UBAP2: variants seen among roughly 807,000 people sequenced by gnomAD.
UBAP2 encodes ubiquitin associated protein 2.
In UBAP2, 75 loss-of-function variants were observed where a neutral mutation model predicts 139.6. The ratio of observed to expected loss-of-function variants is 0.54; its 90% CI spans 0.45 to 0.65. The LOEUF is 0.65. Ranked by LOEUF, UBAP2 falls within the 30% of genes least tolerant of loss-of-function variation. UBAP2 has a pLI of 0.00. For synonymous variants in UBAP2, 526 were observed against 526.2 expected (o/e 1.00, Z 0.01); for missense variants, 1,368 against 1,369.6 (o/e 1.00, Z 0.02).
At chr9:34,044,935 G>A (rs954695652) in intron 1 of UBAP2, among the ~76,000 whole-genome samples, 2 of 152,138 alleles carry the variant, frequency 1.3e-5, no homozygotes, top group East Asian at 1.9e-4. Flanking sequence ...ACTCCTTAAT[G>A]TGAGCCCTAT....
chr9:34,008,636 A>ACAC (rs748960251), intron 2 of UBAP2, among the ~76,000 whole-genome samples: 10 of 1,178 alleles, frequency 8.5e-3, no homozygotes, highest in Non-Finnish European at 0.031. Flanking sequence ...CGTAAGATAT[A>ACAC]TACTAACACT....
chr9:34,016,287 G>GGAA lies in UBAP2; in HGVS notation c.99+762_99+763insTTC, dbSNP rs1554690810. On this transcript the variant is annotated intron_variant, in intron 2 of 28. Coordinates refer to ENST00000379238, the MANE Select transcript of UBAP2 (RefSeq NM_001370062.2). ...AGGAGGAAGAGAAGGAGGAAGAGGAGGAGGAGGAAGAGGAGGAAGAGGAGG... is the reference window on the plus strand; with the variant it reads ...AGGAGGAAGAGAAGGAGGAAGAGGAGGAAGAGGAGGAAGAGGAGGAAGAGGAGG... Among the ~76,000 whole-genome samples the GGAA allele has an allele frequency of 2.6e-3, 39 of 14,770 alleles. 1 individual carries two copies. Among genetic ancestry groups the GGAA allele is most frequent in the Non-Finnish European group, 5.8e-3 (29 of 5,016 alleles). 9.7% of individuals were successfully genotyped at this position (14,770 alleles called of 152,430 possible). A position where few individuals can be genotyped will look rare whatever the true frequency, so the allele number is the denominator to read the frequency against.
At chr9:33,987,712 G>A (rs1485071792) in intron 5 of UBAP2, among the ~76,000 whole-genome samples, 2 of 152,100 alleles carry the variant, frequency 1.3e-5, no homozygotes, top group East Asian at 3.8e-4. Flanking sequence ...CTTCTTTGTG[G>A]ACTTGCTGTG....
Position 33,933,519 on chromosome 9 carries a change from C to T in UBAP2, c.2079G>A (p.Leu693=), listed in dbSNP as rs773651012. The T allele has an allele frequency of 1.9e-6, 3 of 1,613,914 alleles. No individual in the cohort carries two copies. The highest frequency in any genetic ancestry group is 2.5e-6 in the Non-Finnish European group (3 of 1,180,012). ...LPSTSQHTGD[L]TSSPLSQLSS... ...TAAGCTGAGAGAGAGGGCTGCTAGT[C>T]AGGTCGCCAGTGTGCTGGGATGTGG... Residue 693 remains leucine, a synonymous_variant, in exon 18 of 29, where the codon CTG becomes CTA. Coordinates refer to ENST00000379238, the MANE Select transcript of UBAP2 (RefSeq NM_001370062.2).
At chr9:33,946,447 A>G (rs1159486356) in intron 13 of UBAP2, among the ~76,000 whole-genome samples, 1 of 152,194 alleles carries the variant, frequency 6.6e-6, no homozygotes, top group African/African-American at 2.4e-5. Context: ...TAGAGATCCA[A>G]CTTCATTTTT....
At chr9:34,019,952 G>A (rs1367906377) in intron 1 of UBAP2, among the ~76,000 whole-genome samples, 1 of 151,716 alleles carries the variant, frequency 6.6e-6, no homozygotes, top group African/African-American at 2.4e-5. Context: ...ACGAGGTCAG[G>A]AGTTCGAGAC....
intron 1 of UBAP2, among the ~76,000 whole-genome samples, chr9:34,035,470 C>G (rs564596450): frequency 6.6e-4 from 65 of 98,518 alleles, no homozygotes; most frequent in South Asian, 5.3e-3. Flanking sequence ...CCACTGCACT[C>G]CAGTCTGGGT....
intron 16 of UBAP2, among the ~76,000 whole-genome samples, chr9:33,936,420 A>T (rs1824520569): frequency 6.6e-6 from 1 of 151,934 alleles, no homozygotes; most frequent in Admixed American, 6.6e-5. Flanking sequence ...CAGCCTCCCA[A>T]GTAGCTGGGA....
chr9:34,011,087 G>A (rs542931612), intron 2 of UBAP2, among the ~76,000 whole-genome samples: 3 of 152,114 alleles, frequency 2.0e-5, no homozygotes, highest in African/African-American at 7.2e-5. Context: ...ACACCGACCC[G>A]ATTAAAATAT....
intron 6 of UBAP2, among the ~76,000 whole-genome samples, chr9:33,980,226 T>TTC (rs1820529958): frequency 1.4e-5 from 1 of 71,638 alleles, no homozygotes; most frequent in Admixed American, 1.4e-4. Flanking sequence ...ATTTCTTTTT[T>TTC]TTTTTTTTTT....
intron 1 of UBAP2, among the ~76,000 whole-genome samples, chr9:34,035,627 G>A (rs1274676135): frequency 6.7e-6 from 1 of 149,040 alleles, no homozygotes; most frequent in Non-Finnish European, 1.5e-5. Context: ...AGAAGTTGCA[G>A]TGAGTCGAGA....
chr9:33,985,703 G>A (rs1479243018), intron 6 of UBAP2, among the ~76,000 whole-genome samples: 1 of 152,112 alleles, frequency 6.6e-6, no homozygotes, highest in East Asian at 1.9e-4. Flanking sequence ...AGAGATTGGT[G>A]GATAGGTTAA....
chr9:33,964,957 A>G (rs759190945), intron 8 of UBAP2, among the ~76,000 whole-genome samples: 2 of 152,196 alleles, frequency 1.3e-5, no homozygotes, highest in South Asian at 4.1e-4. Context: ...TTAATAGGTG[A>G]ATGGGGGTAA....
chr9:33,993,411 G>C (rs35521115), intron 4 of UBAP2, among the ~76,000 whole-genome samples: 3,541 of 152,308 alleles, frequency 0.023, 88 homozygotes, highest in Non-Finnish European at 0.034. Flanking sequence ...CAAACAGTAT[G>C]AGAGACAAGA....
At chr9:34,031,903 A>G (rs946808452) in intron 1 of UBAP2, among the ~76,000 whole-genome samples, 4 of 152,144 alleles carry the variant, frequency 2.6e-5, no homozygotes, top group African/African-American at 9.7e-5. Context: ...TTGGGAAGCC[A>G]AGGAGGGAGG....
intron 1 of UBAP2, among the ~76,000 whole-genome samples, chr9:34,037,697 G>C (rs573795127): frequency 6.6e-6 from 1 of 152,180 alleles, no homozygotes; most frequent in East Asian, 1.9e-4. Flanking sequence ...AATTATATCT[G>C]ATAAATAATT....
chr9:33,927,053 C>G lies in UBAP2; in HGVS notation c.2399G>C (p.Gly800Ala), dbSNP rs1823501310. ...SGKAPPNLPQ[G>A]VPPLLHNQYL... is the part of the protein sequence containing the mutation. ...CTGGTTGTGCAGCAGGGGAGGCACC[C>G]CCTGAGGTAAGTTTGGGGGTGCTTT... Residue 800 changes from glycine (G) to alanine (A), a missense_variant, in exon 21 of 29, where the codon GGG becomes GCG. Transcript: ENST00000379238. The G allele has an allele frequency of 9.3e-6, 15 of 1,613,154 alleles. No individual in the cohort carries two copies. The highest frequency in any genetic ancestry group is 1.3e-5 in the Non-Finnish European group (15 of 1,179,616).
chr9:34,040,941 TA>T (rs1777362564), intron 1 of UBAP2, among the ~76,000 whole-genome samples: 1 of 152,126 alleles, frequency 6.6e-6, no homozygotes, highest in Non-Finnish European at 1.5e-5. Context: ...CATTACTTAG[TA>T]AAAGTTACAC....
At chr9:33,955,448 C>T (rs1165321668) in intron 11 of UBAP2, among the ~76,000 whole-genome samples, 3 of 123,518 alleles carry the variant, frequency 2.4e-5, no homozygotes, top group East Asian at 2.1e-4. Flanking sequence ...GAACTCAGGA[C>T]GGCGGGGGTT....
Sources: gnomAD v4.1 joint callset for allele counts (sites outside exome capture counted in the v4.1 genomes callset) on GRCh38, gnomAD v4.1.1 for gene constraint, MANE v1.5 for transcripts, NCBI Gene and HGNC (gene_info 2026-07-23, HGNC 2026-07-21) for gene names.